AFF4: variants seen among roughly 807,000 people sequenced by gnomAD.
AFF4 encodes the protein AF4/FMR2 family member 4.
AFF4 carries 13 observed loss-of-function variants against 124.8 expected under a neutral mutation model. The ratio of observed to expected loss-of-function variants is 0.10; its 90% CI spans 0.07 to 0.17. The LOEUF (loss-of-function observed/expected upper bound fraction) is 0.17, where lower values mean the gene tolerates loss of function less well. Ranked by LOEUF, AFF4 falls within the 10% of genes least tolerant of loss-of-function variation. The pLI is 1.00. For missense variants in AFF4, 1,092 were observed against 1,403.8 expected (o/e 0.78, Z 3.55); for synonymous variants, 477 against 496.1 (o/e 0.96, Z 0.51).
At chr5:132,954,827 G>A (rs1416619352) in intron 1 of AFF4, among the ~76,000 whole-genome samples, 4 of 152,100 alleles carry the variant, frequency 2.6e-5, no homozygotes, top group Admixed American at 6.6e-5. Context: ...GATTACAGGC[G>A]TGAGCCACCG....
intron 1 of AFF4, among the ~76,000 whole-genome samples, chr5:132,954,134 T>G (rs1482125577): frequency 6.6e-6 from 1 of 152,192 alleles, no homozygotes; most frequent in East Asian, 1.9e-4. Context: ...TCCCAATCTT[T>G]TTGGCACCAG....
chr5:132,927,186 G>A lies in AFF4; in HGVS notation c.985C>T (p.Pro329Ser), dbSNP rs757051484. 6 of 1,610,722 alleles carry A rather than the reference G, an allele frequency of 3.7e-6. No individual in the cohort carries two copies. Among genetic ancestry groups the A allele is most frequent in the Non-Finnish European group, 5.1e-6 (6 of 1,178,988 alleles). The change falls in exon 5 of 21, where the codon CCC (proline) becomes TCC (serine). Residue 329 changes from proline to serine, a missense_variant. Coordinates refer to ENST00000265343, the MANE Select transcript of AFF4 (RefSeq NM_014423.4). ...ILKEMTHSWP[P>S]PLTAIHTPCK... ...GGTGTATGAATAGCCGTTAGAGGGG[G>A]AGGCCATGAATGCGTCATCTCCTGA...
intron 1 of AFF4, among the ~76,000 whole-genome samples, chr5:132,945,699 CCAACACTG>C (rs1424950705): frequency 4.6e-5 from 7 of 152,074 alleles, no homozygotes; most frequent in Non-Finnish European, 8.8e-5. Flanking sequence ...TTGCAGTGAG[CCAACACTG>C]CACCACTGCA....
chr5:132,878,576 A>G lies in AFF4; in HGVS notation c.*2483T>C, dbSNP rs1277105702. The G allele has an allele frequency of 4.3e-6, 1 of 231,124 alleles. No homozygotes were observed. Among genetic ancestry groups the G allele is most frequent in the African/African-American group, 2.2e-5 (1 of 45,214 alleles). The allele number at this position is 231,124 out of a possible 1,614,324, so 14.3% of individuals were successfully genotyped here. A position where few individuals can be genotyped will look rare whatever the true frequency, so the allele number is the denominator to read the frequency against. ...AAGAAGATAGACATGGAGGAAAGGG[A>G]GTAGTATTTCCACACACTATGACAT... On this transcript the variant is annotated 3_prime_UTR_variant, in exon 21 of 21. Transcript: ENST00000265343.
chr5:132,931,940 T>C (rs1206023995), intron 4 of AFF4, among the ~76,000 whole-genome samples: 1 of 151,690 alleles, frequency 6.6e-6, no homozygotes, highest in Non-Finnish European at 1.5e-5. Flanking sequence ...TGAGACTTCA[T>C]CTCAAAAAAC....
At chr5:132,893,655 G>T (rs1020156900) in intron 11 of AFF4, among the ~76,000 whole-genome samples, 27 of 152,044 alleles carry the variant, frequency 1.8e-4, no homozygotes, top group East Asian at 1.9e-4. Context: ...CTAATTTTTT[G>T]TATTTTTAGT....
intron 1 of AFF4, 43 bp from the exon 2 acceptor site, chr5:132,937,236 A>G (rs1478037931): frequency 6.4e-7 from 1 of 1,552,070 alleles, no homozygotes; most frequent in East Asian, 2.4e-5. Context: ...AAATAAAAGG[A>G]AAAATTAAAT....
intron 12 of AFF4, 72 bp downstream of exon 12, chr5:132,892,958 C>G: frequency 2.1e-6 from 3 of 1,422,402 alleles, no homozygotes; most frequent in Non-Finnish European, 3.0e-6. Context: ...CAGAGCATGT[C>G]AGAAAGTACC....
rs562698357 is a variant in AFF4 at position 132,956,954 on chromosome 5, A to G, written c.-5+6305T>C. Among the ~76,000 whole-genome samples the G allele has an allele frequency of 5.5e-5, 7 of 128,368 alleles. 1 individual carries two copies. The highest frequency in any genetic ancestry group is 5.3e-4 in the East Asian group (2 of 3,778). The allele number at this position is 128,368 out of a possible 152,430, so 84.2% of individuals were successfully genotyped here. On this transcript the variant is annotated intron_variant, in intron 1 of 20. Transcript: ENST00000265343. ...AGAATCAGTTGAACCTGGGAGGTGA[A>G]GGTTGTGGTGAGCCAAGATTGCACC...
Position 132,879,574 on chromosome 5 carries a change from T to C in AFF4, c.*1485A>G, listed in dbSNP as rs1015055719. Reference sequence around the variant, plus strand: ...GAAGACCAATCATGTATGGACGATCTGGTCCTAGTGTAAAACTTCATTTGT... The same window carrying C: ...GAAGACCAATCATGTATGGACGATCCGGTCCTAGTGTAAAACTTCATTTGT... On this transcript the variant is annotated 3_prime_UTR_variant, in exon 21 of 21. Coordinates refer to ENST00000265343, the MANE Select transcript of AFF4 (RefSeq NM_014423.4). The C allele has an allele frequency of 2.9e-5, 6 of 206,518 alleles. No homozygotes were observed. The highest frequency in any genetic ancestry group is 1.4e-4 in the African/African-American group (6 of 43,976). 12.8% of individuals were successfully genotyped at this position (206,518 alleles called of 1,614,324 possible).
chr5:132,905,689 A>C (rs1160926677), intron 5 of AFF4, among the ~76,000 whole-genome samples: 1 of 152,216 alleles, frequency 6.6e-6, no homozygotes, highest in Non-Finnish European at 1.5e-5. Context: ...AAGAAGGATC[A>C]AAGACCTATA....
Position 132,902,503 on chromosome 5 carries a change from T to G in AFF4, c.1088-16A>C. On this transcript the variant is annotated splice_polypyrimidine_tract_variant and intron_variant, in intron 6 of 20. Coordinates refer to ENST00000265343, the MANE Select transcript of AFF4 (RefSeq NM_014423.4). The stretch of plus-strand genomic sequence containing the variant: ...TTATATCTTTCTGGAACAAAAAGAA[T>G]GAAGTGAGCAACTAAAGGATGGCTA... The G allele has an allele frequency of 1.3e-6, 2 of 1,597,378 alleles. No homozygotes were observed. Among genetic ancestry groups the G allele is most frequent in the Non-Finnish European group, 1.7e-6 (2 of 1,165,150 alleles).
intron 1 of AFF4, among the ~76,000 whole-genome samples, chr5:132,955,856 A>G (rs892041730): frequency 6.8e-6 from 1 of 147,100 alleles, no homozygotes; most frequent in East Asian, 1.9e-4. Flanking sequence ...TGTATTACAT[A>G]GATTATATAG....
At chr5:132,960,201 C>T (rs116177447) in intron 1 of AFF4, among the ~76,000 whole-genome samples, 180 of 152,204 alleles carry the variant, frequency 1.2e-3, no homozygotes, top group African/African-American at 4.2e-3. Context: ...ATTGTTCCAA[C>T]TTATCAGAGG....
At chr5:132,904,849 G>A (rs960381801) in intron 5 of AFF4, among the ~76,000 whole-genome samples, 3 of 151,992 alleles carry the variant, frequency 2.0e-5, no homozygotes, top group Non-Finnish European at 2.9e-5. Flanking sequence ...AGGAGATCAA[G>A]ACCATCCTGG....
At chr5:132,949,736 C>T (rs1761791118) in intron 1 of AFF4, among the ~76,000 whole-genome samples, 1 of 151,404 alleles carries the variant, frequency 6.6e-6, no homozygotes, top group South Asian at 2.1e-4. Flanking sequence ...AGGGTGAGTG[C>T]CCGCAGTCCC....
chr5:132,946,402 A>C (rs1433638036), intron 1 of AFF4, among the ~76,000 whole-genome samples: 1 of 152,246 alleles, frequency 6.6e-6, no homozygotes, highest in Non-Finnish European at 1.5e-5. Context: ...GAAAAGATGG[A>C]AACAACCCAA....
At chr5:132,942,100 G>T (rs1761583786) in intron 1 of AFF4, among the ~76,000 whole-genome samples, 1 of 151,982 alleles carries the variant, frequency 6.6e-6, no homozygotes, top group African/African-American at 2.4e-5. Flanking sequence ...AGACCCCACA[G>T]GTTGAGTGAG....
chr5:132,905,116 C>G (rs1264358011), intron 5 of AFF4, among the ~76,000 whole-genome samples: 1 of 151,496 alleles, frequency 6.6e-6, no homozygotes, highest in Non-Finnish European at 1.5e-5. Context: ...ATTTCCATGT[C>G]ATTTTACTCC....
Sources: allele counts gnomAD v4.1 joint callset (sites outside exome capture counted in the v4.1 genomes callset), GRCh38; gene constraint gnomAD v4.1.1; transcripts MANE v1.5; gene names NCBI Gene and HGNC (gene_info 2026-07-23, HGNC 2026-07-21).